The following ZBTB26 variants were observed in gnomAD, a reference collection of about 807,000 sequenced individuals.
ZBTB26 encodes the protein zinc finger and BTB domain containing 26, also known as zinc finger and BTB domain-containing protein 26.
In ZBTB26, 12 loss-of-function variants were observed where a neutral mutation model predicts 31.6. The observed-to-expected ratio is 0.38, with a 90% confidence interval of 0.24 to 0.61. The LOEUF (loss-of-function observed/expected upper bound fraction) is 0.61, where lower values mean the gene tolerates loss of function less well. Among genes scored for constraint, ZBTB26 ranks in the 20% least tolerant of loss-of-function variants. The pLI is 0.60. For missense variants in ZBTB26, 311 were observed against 521.9 expected, an observed-to-expected ratio of 0.60 and a Z score of 3.94; for synonymous variants, 155 against 182.9, an observed-to-expected ratio of 0.85 and a Z score of 1.23.
At position 122,918,618 on chromosome 9, in the gene ZBTB26, A is replaced by G. The variant is rs1833050579; in HGVS notation, c.1317T>C (p.Cys439=). The G allele has an allele frequency of 3.1e-6, 5 of 1,612,150 alleles. No homozygotes were observed. The highest frequency in any genetic ancestry group is 4.2e-6 in the Non-Finnish European group (5 of 1,179,122). ...AVLNLRNDST[C]VN ...AGCATGAAGCCCCTACTCAATTCACACAAGTACTATCATTTCTTAAGTTCA... is the reference window on the plus strand; with the variant it reads ...AGCATGAAGCCCCTACTCAATTCACGCAAGTACTATCATTTCTTAAGTTCA... The change falls in exon 2 of 2, where the codon TGT becomes TGC. Residue 439 remains cysteine, a synonymous_variant. Coordinates refer to ENST00000373656, the MANE Select transcript of ZBTB26 (RefSeq NM_020924.4).
intron 1 of ZBTB26, among the ~76,000 whole-genome samples, chr9:122,921,004 C>T (rs574494793): frequency 6.6e-6 from 1 of 152,270 alleles, no homozygotes; most frequent in Admixed American, 6.5e-5. Flanking sequence ...TTCCCGTTGT[C>T]TCCTGGATGA....
Position 122,917,487 on chromosome 9 carries a change from T to A in ZBTB26, c.*1122A>T, listed in dbSNP as rs976429173. ...TTAGGAAAAAGAGCTGTTTTGTTTT[T>A]CCTTTTTGAAAATTAACTTTGTATT... On this transcript the variant is annotated 3_prime_UTR_variant, in exon 2 of 2. Coordinates refer to ENST00000373656, the MANE Select transcript of ZBTB26 (RefSeq NM_020924.4). 1 of 152,202 alleles carries A rather than the reference T, an allele frequency of 6.6e-6. No homozygotes were observed. The highest frequency in any genetic ancestry group is 1.5e-5 in the Non-Finnish European group (1 of 68,020). 9.4% of individuals were successfully genotyped at this position (152,202 alleles called of 1,614,324 possible). A position where few individuals can be genotyped will look rare whatever the true frequency, so the allele number is the denominator to read the frequency against.
At chr9:122,920,054 A>G in intron 1 of ZBTB26, 110 bp from the exon 2 acceptor site, 1 of 1,256,624 alleles carries the variant, frequency 8.0e-7, no homozygotes, top group Non-Finnish European at 1.1e-6. Context: ...TTTTGTATGT[A>G]TCCAAATGAA....
rs146895027 is a variant in ZBTB26, at chr9:122,927,877, C to T, written c.-11+3560G>A. Reference sequence around the variant, plus strand: ...TTGAAACGGAGTCTTGCTCTGTTGCCCAGGCTTGAGTGCAGTGGTGCAATC... The same window carrying T: ...TTGAAACGGAGTCTTGCTCTGTTGCTCAGGCTTGAGTGCAGTGGTGCAATC... On this transcript the variant is annotated intron_variant, in intron 1 of 1. Coordinates refer to ENST00000373656, the MANE Select transcript of ZBTB26 (RefSeq NM_020924.4). 2.9e-3 allele frequency among the ~76,000 whole-genome samples: 445 copies of T among 151,878 alleles called. 2 individuals are homozygous for T. Among genetic ancestry groups the T allele is most frequent in the African/African-American group, 0.01 (421 of 41,418 alleles).
At chr9:122,923,203 A>G (rs1180838420) in intron 1 of ZBTB26, among the ~76,000 whole-genome samples, 1 of 151,762 alleles carries the variant, frequency 6.6e-6, no homozygotes, top group Non-Finnish European at 1.5e-5. Context: ...AAAGAAAAAA[A>G]AAAAAGAAAG....
chr9:122,923,311 T>C (rs1833130595), intron 1 of ZBTB26, among the ~76,000 whole-genome samples: 1 of 152,136 alleles, frequency 6.6e-6, no homozygotes, highest in African/African-American at 2.4e-5. Context: ...ATCTTTCCCC[T>C]TGTATGACAT....
rs118085479 is a variant in ZBTB26 at position 122,917,840 on chromosome 9, A to C, written c.*769T>G. 10 of 152,326 alleles carry C rather than the reference A, an allele frequency of 6.6e-5. No homozygotes were observed. The East Asian group carries it at 1.4e-3, about 21-fold the overall frequency. 9.4% of individuals were successfully genotyped at this position (152,326 alleles called of 1,614,324 possible). ...CATCAACAAGTTACACATTAATTAT[A>C]AGCATATGGCCTCTTATGGGACATG... On this transcript the variant is annotated 3_prime_UTR_variant, in exon 2 of 2. Transcript: ENST00000373656.
chr9:122,923,431 G>A (rs1360344162), intron 1 of ZBTB26, among the ~76,000 whole-genome samples: 2 of 152,042 alleles, frequency 1.3e-5, no homozygotes, highest in Non-Finnish European at 2.9e-5. Flanking sequence ...AAACATGAAG[G>A]GAAAATGTAG....
At chr9:122,923,200 A>C (rs1473548440) in intron 1 of ZBTB26, among the ~76,000 whole-genome samples, 3 of 151,676 alleles carry the variant, frequency 2.0e-5, no homozygotes, top group Non-Finnish European at 2.9e-5. Context: ...AAAAAAGAAA[A>C]AAAAAAAAGA....
At chr9:122,928,558 T>C (rs1287626033) in intron 1 of ZBTB26, among the ~76,000 whole-genome samples, 1 of 152,222 alleles carries the variant, frequency 6.6e-6, no homozygotes, top group Non-Finnish European at 1.5e-5. Flanking sequence ...GCTGGTCTGT[T>C]CTTTGAGGCT....
At chr9:122,920,044 T>C in intron 1 of ZBTB26, 100 bp from the exon 2 acceptor site, 4 of 1,319,256 alleles carry the variant, frequency 3.0e-6, no homozygotes, top group Non-Finnish European at 3.1e-6. Context: ...GTCATATCTG[T>C]TTTGTATGTA....
intron 1 of ZBTB26, among the ~76,000 whole-genome samples, chr9:122,927,318 AT>A (rs1833198442): frequency 6.6e-6 from 1 of 152,246 alleles, no homozygotes; most frequent in Non-Finnish European, 1.5e-5. Context: ...ATAGTAAAAA[AT>A]GACTAATTAC....
At chr9:122,922,333 T>C (rs904601880) in intron 1 of ZBTB26, among the ~76,000 whole-genome samples, 5 of 152,198 alleles carry the variant, frequency 3.3e-5, no homozygotes, top group Non-Finnish European at 5.9e-5. Context: ...GACCGCTTAA[T>C]AGAGTAGAAT....
intron 1 of ZBTB26, among the ~76,000 whole-genome samples, chr9:122,924,687 C>T (rs1034228491): frequency 2.0e-5 from 3 of 147,064 alleles, no homozygotes; most frequent in South Asian, 2.1e-4. Flanking sequence ...AATGCAGTGG[C>T]GTAATCATAG....
chr9:122,924,073 A>G (rs1833141311), intron 1 of ZBTB26, among the ~76,000 whole-genome samples: 2 of 152,242 alleles, frequency 1.3e-5, no homozygotes, highest in Admixed American at 1.3e-4. Context: ...TGATATTCAC[A>G]AAATGATGAA....
At chr9:122,930,619 C>T (rs1295772271) in intron 1 of ZBTB26, among the ~76,000 whole-genome samples, 1 of 152,200 alleles carries the variant, frequency 6.6e-6, no homozygotes, top group East Asian at 1.9e-4. Flanking sequence ...CTACCCATCT[C>T]CTTTAGGATT....
chr9:122,925,968 C>A (rs1221542382), intron 1 of ZBTB26, among the ~76,000 whole-genome samples: 1 of 151,986 alleles, frequency 6.6e-6, no homozygotes, highest in African/African-American at 2.4e-5. Context: ...TCATGTTGGT[C>A]AGGCTGGTCT....
intron 1 of ZBTB26, among the ~76,000 whole-genome samples, chr9:122,924,925 G>A (rs1243471618): frequency 1.3e-5 from 2 of 151,958 alleles, no homozygotes; most frequent in Non-Finnish European, 2.9e-5. Context: ...CAAAGTGCTA[G>A]GATTACAGGC....
In ZBTB26 at chr9:122,927,443, A is replaced by G. The variant is rs1588132359; in HGVS notation, c.-11+3994T>C. 5.3e-5 allele frequency among the ~76,000 whole-genome samples: 8 copies of G among 152,314 alleles called. 2 individuals carry two copies. The highest frequency in any genetic ancestry group is 5.2e-4 in the Admixed American group (8 of 15,304). On this transcript the variant is annotated intron_variant, in intron 1 of 1. Coordinates refer to ENST00000373656, the MANE Select transcript of ZBTB26 (RefSeq NM_020924.4). Reference sequence around the variant, plus strand: ...GCAAGTAAAATTTTTCTATCTGTATAATAAATTCTTAAGCTAGGTATCAGT... The same window carrying G: ...GCAAGTAAAATTTTTCTATCTGTATGATAAATTCTTAAGCTAGGTATCAGT...
Sources: gnomAD v4.1 joint callset for allele counts (sites outside exome capture counted in the v4.1 genomes callset) on GRCh38, gnomAD v4.1.1 for gene constraint, MANE v1.5 for transcripts, NCBI Gene and HGNC (gene_info 2026-07-23, HGNC 2026-07-21) for gene names.